The following PTPRZ1 variants were observed in gnomAD, a reference collection of about 807,000 sequenced individuals.
PTPRZ1 encodes protein tyrosine phosphatase receptor type Z1.
In PTPRZ1, 82 loss-of-function variants were observed where a neutral mutation model predicts 214.1. The observed-to-expected ratio is 0.38, with a 90% CI of 0.32 to 0.46. The LOEUF is 0.46. PTPRZ1 is among the 20% of genes least tolerant of loss of function. The probability of loss-of-function intolerance (pLI) is 1.00; values close to 1 mark genes in which losing one functional copy is unlikely to be tolerated. For missense variants in PTPRZ1, 2,603 were observed against 2,748.7 expected, an observed-to-expected ratio of 0.95 and a Z score of 1.19; for synonymous variants, 945 against 987.9, an observed-to-expected ratio of 0.96 and a Z score of 0.81.
chr7:121,964,038 C>A (rs996644813), intron 2 of PTPRZ1, among the ~76,000 whole-genome samples: 2 of 152,088 alleles, frequency 1.3e-5, no homozygotes, highest in Admixed American at 6.6e-5. Flanking sequence ...TCAAATGAGA[C>A]CTACAGCTGA....
chr7:121,994,669 A>G (rs1798081378), intron 8 of PTPRZ1, among the ~76,000 whole-genome samples: 1 of 152,170 alleles, frequency 6.6e-6, no homozygotes, highest in Non-Finnish European at 1.5e-5. Flanking sequence ...GATTCATTAG[A>G]AGCAAGAACG....
At chr7:121,906,335 C>T (rs1160088286) in intron 1 of PTPRZ1, among the ~76,000 whole-genome samples, 2 of 152,022 alleles carry the variant, frequency 1.3e-5, no homozygotes, top group East Asian at 3.9e-4. Flanking sequence ...GTGTGTATTG[C>T]TCACTCTCTG....
rs904117604 is a variant in PTPRZ1, at chr7:122,012,132, A to G, written c.3086A>G (p.Tyr1029Cys). 1.9e-6 allele frequency: 3 copies of G among 1,613,884 alleles called. No homozygotes were observed. Among genetic ancestry groups the G allele is most frequent in the South Asian group, 1.1e-5 (1 of 91,070 alleles). ...CCTGTTTCTGTAGCTGAATTTACAT[A>G]TACAACATCTGTGTTTGGTGATGAT... is the stretch of plus-strand genomic sequence containing the variant. The part of the protein sequence containing the change: ...SSPVSVAEFT[Y>C]TTSVFGDDNK... Residue 1029 changes from tyrosine (Y) to cysteine (C), a missense_variant, in exon 12 of 30, where the codon TAT becomes TGT. By Grantham distance (194) the Tyr-to-Cys change is radical. This residue lies in a region of PTPRZ1 where 1,913 missense variants were observed against 1,914.3 expected (regional missense o/e 1.00). Transcript: ENST00000393386.
intron 8 of PTPRZ1, among the ~76,000 whole-genome samples, chr7:121,985,421 T>G (rs1797738073): frequency 6.6e-6 from 1 of 152,218 alleles, no homozygotes. Context: ...ACTTTTGGAA[T>G]AAAGTTCAAA....
chr7:121,915,095 A>T (rs75598112), intron 1 of PTPRZ1, among the ~76,000 whole-genome samples: 1,764 of 152,248 alleles, frequency 0.012, 34 homozygotes, highest in African/African-American at 0.04. Flanking sequence ...TACTGCACAC[A>T]TACTTCTGAA....
At chr7:121,955,013 A>G (rs565148671) in intron 2 of PTPRZ1, among the ~76,000 whole-genome samples, 3 of 152,350 alleles carry the variant, frequency 2.0e-5, no homozygotes, top group Admixed American at 2.0e-4. Context: ...AGCTTCTGCC[A>G]TATGGGCAGC....
intron 10 of PTPRZ1, among the ~76,000 whole-genome samples, chr7:122,003,101 G>A (rs1798376971): frequency 6.6e-6 from 1 of 152,134 alleles, no homozygotes; most frequent in African/African-American, 2.4e-5. Flanking sequence ...ACAAGTGTTT[G>A]AGATGATTGA....
chr7:122,024,299 A>G (rs1450051050), intron 13 of PTPRZ1, among the ~76,000 whole-genome samples: 1 of 152,106 alleles, frequency 6.6e-6, no homozygotes, highest in Non-Finnish European at 1.5e-5. Context: ...GAACCTAAAA[A>G]GTACCAAAGG....
rs1793937207 is a variant in PTPRZ1 at position 121,873,317 on chromosome 7, C to CTCTG, written c.-180_-179insGTCT. 2.3e-5 allele frequency: 11 copies of CTCTG among 484,410 alleles called. No homozygotes were observed. The highest frequency in any genetic ancestry group is 5.9e-5 in the South Asian group (2 of 34,002). The allele number at this position is 484,410 out of a possible 1,614,324, so 30.0% of individuals were successfully genotyped here. A position where few individuals can be genotyped will look rare whatever the true frequency, so the allele number is the denominator to read the frequency against. On this transcript the variant is annotated 5_prime_UTR_variant, in exon 1 of 30. Transcript: ENST00000393386. ...TGTCTCTCTCTGTCTCTGTCTCTGT[C>CTCTG]TCTCTCTCTCTCACACACACACACA...
At chr7:121,959,653 G>A (rs1033118854) in intron 2 of PTPRZ1, among the ~76,000 whole-genome samples, 1 of 152,108 alleles carries the variant, frequency 6.6e-6, no homozygotes, top group Admixed American at 6.5e-5. Flanking sequence ...TTTTCAAACA[G>A]CTAACTCTTG....
At position 121,945,411 on chromosome 7, in the gene PTPRZ1, A is replaced by G. The variant is rs182788929; in HGVS notation, c.124+17190A>G. On this transcript the variant is annotated intron_variant, in intron 2 of 29. Transcript: ENST00000393386. Reference sequence around the variant, plus strand: ...CATTGATACATGTAGATCAACAGCTACTAAATTTTGAAGATCAAGCCATTG... The same window carrying G: ...CATTGATACATGTAGATCAACAGCTGCTAAATTTTGAAGATCAAGCCATTG... Among the ~76,000 whole-genome samples, 307 of 152,346 alleles carry G rather than the reference A, an allele frequency of 2.0e-3. 1 individual carries two copies. Among genetic ancestry groups the G allele is most frequent in the Non-Finnish European group, 3.6e-3 (247 of 68,024 alleles).
In PTPRZ1 at chr7:122,010,909, C is replaced by A. The variant is rs1204113836; in HGVS notation, c.1863C>A (p.Val621=). 3 of 1,613,876 alleles carry A rather than the reference C, an allele frequency of 1.9e-6. No individual in the cohort carries two copies. The African/African-American group carries it at 4.0e-5, about 22-fold the overall frequency. Residue 621 remains valine, a synonymous_variant, in exon 12 of 30, where the codon GTC becomes GTA. Transcript: ENST00000393386. ...ACCCAGAGACAATAACATATGATGT[C>A]CTTATACCAGAATCTGCTAGAAATG... ...SENPETITYD[V]LIPESARNAS...
intron 6 of PTPRZ1, among the ~76,000 whole-genome samples, chr7:121,981,121 C>T (rs1410598152): frequency 3.4e-5 from 5 of 146,302 alleles, no homozygotes; most frequent in African/African-American, 1.0e-4. Context: ...CCAGCCTGGG[C>T]GGCAGCGAGA....
At chr7:121,938,876 A>ACTGCTTTTATCTCAATAGTAGTAC (rs371846856) in intron 2 of PTPRZ1, among the ~76,000 whole-genome samples, 1 of 152,132 alleles carries the variant, frequency 6.6e-6, no homozygotes, top group Non-Finnish European at 1.5e-5. Flanking sequence ...TACTAGATGT[A>ACTGCTTTTATCTCAATAGTAGTAC]CTGCTTTTAT....
At chr7:122,061,034 C>T (rs754646721) in intron 29 of PTPRZ1, 46 bp from the exon 30 acceptor site, 2 of 1,522,592 alleles carry the variant, frequency 1.3e-6, no homozygotes, top group South Asian at 2.4e-5. Context: ...AAATGTATGT[C>T]TTCACTGAGC....
At chr7:122,006,153 T>C (rs1244611507) in intron 11 of PTPRZ1, among the ~76,000 whole-genome samples, 1 of 152,158 alleles carries the variant, frequency 6.6e-6, no homozygotes, top group Non-Finnish European at 1.5e-5. Context: ...TTAATGGACA[T>C]ATAATACTTC....
intron 14 of PTPRZ1, among the ~76,000 whole-genome samples, chr7:122,030,381 C>T (rs1296235656): frequency 6.6e-6 from 1 of 152,030 alleles, no homozygotes; most frequent in Non-Finnish European, 1.5e-5. Context: ...AGGATAACAT[C>T]AAGGGGTTTG....
In PTPRZ1 at chr7:121,928,195, T is replaced by C; in HGVS notation, c.98T>C (p.Val33Ala). ...NGYYRQQRKL[V>A]EEIGWSYTGA... ...TACTACAGACAACAGAGAAAACTTG[T>C]TGAAGAGATTGGCTGGTCCTATACA... Residue 33 changes from valine to alanine, a missense_variant, in exon 2 of 30, where the codon GTT becomes GCT. This residue lies in a region of PTPRZ1 where 141 missense variants were observed against 143.7 expected (regional missense o/e 0.98). Transcript: ENST00000393386. 6.2e-7 allele frequency: 1 copy of C among 1,612,544 alleles called. No homozygotes were observed. The highest frequency in any genetic ancestry group is 8.5e-7 in the Non-Finnish European group (1 of 1,178,742).
chr7:122,054,596 A>C (rs1792292806), intron 26 of PTPRZ1, among the ~76,000 whole-genome samples: 1 of 152,112 alleles, frequency 6.6e-6, no homozygotes, highest in Non-Finnish European at 1.5e-5. Flanking sequence ...TCTTATCTAT[A>C]AAGTTATTGT....
Sources: allele counts gnomAD v4.1 joint callset (sites outside exome capture counted in the v4.1 genomes callset), GRCh38; gene constraint gnomAD v4.1.1; regional missense constraint gnomAD v4.1.1; transcripts MANE v1.5; gene names NCBI Gene and HGNC (gene_info 2026-07-23, HGNC 2026-07-21).